Variants in SEPTIN12 observed in about 807,000 individuals in gnomAD.
The protein encoded by SEPTIN12 is septin-12.
A neutral mutation model predicts 37.7 loss-of-function variants in SEPTIN12; 42 were observed. That is an observed-to-expected ratio of 1.11 (90% CI 0.87 to 1.44). The LOEUF (loss-of-function observed/expected upper bound fraction) is 1.44. Among genes scored for constraint, SEPTIN12 ranks in the 40% most tolerant of loss-of-function variants. The pLI is 0.00. For missense variants in SEPTIN12, 613 were observed against 479.2 expected, an observed-to-expected ratio of 1.28 and a Z score of -2.61; for synonymous variants, 254 against 196.7, an observed-to-expected ratio of 1.29 and a Z score of -2.44.
At chr16:4,782,107 C>T (rs1429083157) in intron 7 of SEPTIN12, among the ~76,000 whole-genome samples, 1 of 151,848 alleles carries the variant, frequency 6.6e-6, no homozygotes, top group African/African-American at 2.4e-5. Flanking sequence ...CGTGCCACCA[C>T]ACGCAGCTAA....
intron 1 of SEPTIN12, chr16:4,788,061 C>T (rs2082488340): frequency 5.8e-6 from 1 of 173,712 alleles, no homozygotes; most frequent in African/African-American, 2.4e-5. Context: ...GCTCCCGTCC[C>T]AGCAGGAAAC....
Position 4,779,768 on chromosome 16 carries a change from C to A in SEPTIN12, c.745G>T (p.Val249Leu). ...SKLRDRIPFA[V>L]VGADQEHLVN... is the part of the protein sequence containing the mutation. ...AGGTGCTCTTGGTCAGCCCCTACCA[C>A]GGCAAAAGGGATTCGGTCCTGGGAA... The change falls in exon 8 of 10, where the codon GTG becomes TTG. Residue 249 changes from valine to leucine, a missense_variant. By Grantham distance (32) the Val-to-Leu change is conservative (BLOSUM62 1). Coordinates refer to ENST00000268231, the MANE Select transcript of SEPTIN12 (RefSeq NM_144605.5). The A allele has an allele frequency of 6.2e-7, 1 of 1,612,446 alleles. No homozygotes were observed. Among genetic ancestry groups the A allele is most frequent in the Non-Finnish European group, 8.5e-7 (1 of 1,178,574 alleles).
intron 7 of SEPTIN12, among the ~76,000 whole-genome samples, chr16:4,781,545 T>C (rs1253204305): frequency 2.0e-5 from 3 of 152,128 alleles, no homozygotes; most frequent in Admixed American, 2.0e-4. Flanking sequence ...TGGAATCCCA[T>C]AATACGTGAC....
chr16:4,783,721 A>G lies in SEPTIN12; in HGVS notation c.558T>C (p.Thr186=), dbSNP rs1387192242. 6.2e-7 allele frequency: 1 copy of G among 1,613,918 alleles called. No individual in the cohort carries two copies. Among genetic ancestry groups the G allele is most frequent in the East Asian group, 2.2e-5 (1 of 44,886 alleles). The change falls in exon 6 of 10, where the codon ACT becomes ACC. Residue 186 remains threonine, a synonymous_variant. Transcript: ENST00000268231. ...DIEFLQRLCR[T]VNVVPVIARA... ...TGGCAATCACGGGCACCACATTCACAGTCCGGCACAGCCGCTGCAGGAACT... is the reference window on the plus strand; with the variant it reads ...TGGCAATCACGGGCACCACATTCACGGTCCGGCACAGCCGCTGCAGGAACT...
In SEPTIN12 at chr16:4,777,887, G is replaced by T. The variant is rs200593343; in HGVS notation, c.987C>A (p.Asn329Lys). The T allele has an allele frequency of 3.1e-6, 5 of 1,599,000 alleles. No individual in the cohort carries two copies. The highest frequency in any genetic ancestry group is 4.3e-6 in the Non-Finnish European group (5 of 1,173,558). Reference protein sequence around the residue: ...HLLPRGPGWVNLAPASPGQLT... With the variant: ...HLLPRGPGWVKLAPASPGQLT... ...GCTGTCCTGGGGAGGCCGGGGCCAG[G>T]TTCACCCAGCCGGGCCCGCGGGGCA... Residue 329 changes from asparagine (N) to lysine (K), a missense_variant, in exon 10 of 10, where the codon AAC becomes AAA. Physicochemically the swap from Asn to Lys is moderately conservative, Grantham distance 94 (BLOSUM62 0). Transcript: ENST00000268231.
chr16:4,782,577 G>T (rs564360777), intron 7 of SEPTIN12, among the ~76,000 whole-genome samples: 1 of 152,056 alleles, frequency 6.6e-6, no homozygotes, highest in African/African-American at 2.4e-5. Flanking sequence ...AGCAGTAGGT[G>T]AGGGTTTCAG....
upstream of SEPTIN12, among the ~76,000 whole-genome samples, chr16:4,791,557 C>G (rs1487586498): frequency 2.6e-5 from 4 of 152,190 alleles, no homozygotes; most frequent in Non-Finnish European, 5.9e-5. Context: ...TACTCAAGCT[C>G]ACACATTGGT....
chr16:4,790,269 T>C (rs996673509), upstream of SEPTIN12, among the ~76,000 whole-genome samples: 1 of 152,178 alleles, frequency 6.6e-6, no homozygotes, highest in Non-Finnish European at 1.5e-5. Context: ...CTGTTGCAAC[T>C]ACTATGCAAC....
In SEPTIN12 at chr16:4,785,850, T is replaced by C; in HGVS notation, c.331A>G (p.Thr111Ala). 1.9e-6 allele frequency: 3 copies of C among 1,607,108 alleles called. No individual in the cohort carries two copies. The highest frequency in any genetic ancestry group is 2.5e-6 in the Non-Finnish European group (3 of 1,177,414). Residue 111 changes from threonine (T) to alanine (A), a missense_variant, in exon 4 of 10, where the codon ACG (threonine) becomes GCG (alanine). Physicochemically the swap from Thr to Ala is moderately conservative, Grantham distance 58. Coordinates refer to ENST00000268231, the MANE Select transcript of SEPTIN12 (RefSeq NM_144605.5). Reference sequence around the variant, plus strand: ...TGGTCCCCGAAGCCGGGCGTGTCCGTCACCGTCAGCTTCAGCTTCACACCC... The same window carrying C: ...TGGTCCCCGAAGCCGGGCGTGTCCGCCACCGTCAGCTTCAGCTTCACACCC... ...EKGVKLKLTV[T>A]DTPGFGDQIN... is the part of the protein sequence containing the mutation.
rs899349483 is a variant in SEPTIN12 at position 4,786,074 on chromosome 16, C to T, written c.198G>A (p.Val66=). ...GQSGLGKSTM[V]NTLFKSKVWK... ...ACACTTTGGACTTGAACAGCGTGTT[C>T]ACCATCGTGGACTTGCCCAGCCCGC... The change falls in exon 3 of 10, where the codon GTG becomes GTA. Residue 66 remains valine, a synonymous_variant. Transcript: ENST00000268231. 1.1e-5 allele frequency: 18 copies of T among 1,613,544 alleles called. No individual in the cohort carries two copies. The highest frequency in any genetic ancestry group is 1.7e-4 in the Middle Eastern group (1 of 6,004).
rs61734736 is a variant in SEPTIN12, at chr16:4,783,669, G to A, written c.610C>T (p.Arg204Ter). The A allele has an allele frequency of 1.9e-4, 301 of 1,613,840 alleles. 1 individual carries two copies. The highest frequency in any genetic ancestry group is 3.8e-5 in the Non-Finnish European group (45 of 1,179,988). ...ARADSLTMEE[R>*]EAFRRRIQQN... Reference sequence around the variant, plus strand: ...ATCACCCTGCGCCTGAAGGCCTCTCGCTCCTCCATGGTCAGGCTGTCGGCC... The same window carrying A: ...ATCACCCTGCGCCTGAAGGCCTCTCACTCCTCCATGGTCAGGCTGTCGGCC... Residue 204 changes from arginine to a stop codon, truncating the protein, a stop_gained, in exon 6 of 10, where the codon CGA (arginine) becomes TGA (stop). Coordinates refer to ENST00000268231, the MANE Select transcript of SEPTIN12 (RefSeq NM_144605.5). LOFTEE classifies it high-confidence loss of function.
rs557566721 is a variant in SEPTIN12 at position 4,777,961 on chromosome 16, T to A, written c.913A>T (p.Ile305Phe). ...ATGACGCGGTAGTTCTCATAGTGGA[T>A]GTTGTGGGTTATGTCCTTCAGGTCT... ...LQDLKDITHN[I>F]HYENYRVIRL... Residue 305 changes from isoleucine (I) to phenylalanine (F), a missense_variant, in exon 10 of 10, where the codon ATC (isoleucine) becomes TTC (phenylalanine). Transcript: ENST00000268231. The A allele has an allele frequency of 1.4e-5, 22 of 1,611,246 alleles. No individual in the cohort carries two copies. Among genetic ancestry groups the A allele is most frequent in the African/African-American group, 4.0e-5 (3 of 75,026 alleles).
chr16:4,784,083 G>A lies in SEPTIN12; in HGVS notation c.375-15C>T. On this transcript the variant is annotated splice_polypyrimidine_tract_variant and intron_variant, in intron 4 of 9. Coordinates refer to ENST00000268231, the MANE Select transcript of SEPTIN12 (RefSeq NM_144605.5). Reference sequence around the variant, plus strand: ...TGGGGTCCCAGCTGAGGCGGGAGGTGGACCCTCCCCTCAGAACTGTGCTGT... The same window carrying A: ...TGGGGTCCCAGCTGAGGCGGGAGGTAGACCCTCCCCTCAGAACTGTGCTGT... The A allele has an allele frequency of 6.2e-7, 1 of 1,613,590 alleles. No individual in the cohort carries two copies. The highest frequency in any genetic ancestry group is 1.7e-5 in the Admixed American group (1 of 60,016).
Position 4,783,864 on chromosome 16 carries a change from G to T in SEPTIN12, c.512+67C>A, listed in dbSNP as rs576840551. 1.2e-5 allele frequency: 19 copies of T among 1,607,346 alleles called. No homozygotes were observed. In the East Asian group the frequency reaches 3.1e-4, roughly 26 times the overall value. On this transcript the variant is annotated intron_variant, in intron 5 of 9. Coordinates refer to ENST00000268231, the MANE Select transcript of SEPTIN12 (RefSeq NM_144605.5). ...GTGGGGGCAGCCGGCAGCCCATGGTGGGGACCCCTTCTCCTCCTCCCTGCC... is the reference window on the plus strand; with the variant it reads ...GTGGGGGCAGCCGGCAGCCCATGGTTGGGACCCCTTCTCCTCCTCCCTGCC...
At chr16:4,791,437 G>A (rs1202709821), upstream of SEPTIN12, among the ~76,000 whole-genome samples, 3 of 152,170 alleles carry the variant, frequency 2.0e-5, no homozygotes, top group East Asian at 5.8e-4. Context: ...CGACGGCTCT[G>A]ACATCGATGA....
At chr16:4,778,065 C>G (rs775184035) in intron 9 of SEPTIN12, 21 bp downstream of exon 9, 1 of 1,614,014 alleles carries the variant, frequency 6.2e-7, no homozygotes, top group East Asian at 2.2e-5. Context: ...CCCCCTAGCC[C>G]CAGGCTCCCC....
At position 4,777,857 on chromosome 16, in the gene SEPTIN12, G is replaced by A. The variant is rs2082328499; in HGVS notation, c.1017C>T (p.Thr339=). The A allele has an allele frequency of 1.6e-5, 26 of 1,596,700 alleles. No individual in the cohort carries two copies. The highest frequency in any genetic ancestry group is 2.0e-5 in the Non-Finnish European group (24 of 1,172,538). The change falls in exon 10 of 10, where the codon ACC becomes ACT. Residue 339 remains threonine (T), a synonymous_variant. Transcript: ENST00000268231. ...NLAPASPGQL[T]TPRTFKVCRG... is the part of the protein sequence containing the mutation. ...TGCAGACCTTGAAGGTCCGGGGGGT[G>A]GTCAGCTGTCCTGGGGAGGCCGGGG...
intron 1 of SEPTIN12, chr16:4,787,975 G>A (rs772521271): frequency 3.7e-4 from 101 of 269,348 alleles, no homozygotes; most frequent in Non-Finnish European, 5.5e-4. Context: ...GGAGGGCCAG[G>A]CAAAGTCCAG....
chr16:4,786,175 T>C, intron 2 of SEPTIN12, 70 bp from the exon 3 acceptor site: 5 of 1,515,230 alleles, frequency 3.3e-6, no homozygotes, highest in Non-Finnish European at 4.4e-6. Flanking sequence ...ACTCTTTACT[T>C]TTCTATTTTA....
Sources: gnomAD v4.1 joint callset for allele counts (sites outside exome capture counted in the v4.1 genomes callset) on GRCh38, gnomAD v4.1.1 for gene constraint, MANE v1.5 for transcripts, NCBI Gene and HGNC (gene_info 2026-07-23, HGNC 2026-07-21) for gene names.